EPHA6: variants seen among roughly 807,000 people sequenced by gnomAD.
EPHA6 encodes ephrin type-A receptor 6.
A neutral mutation model predicts 112.0 loss-of-function variants in EPHA6; 50 were observed. The observed-to-expected ratio is 0.45, with a 90% CI of 0.36 to 0.56. The LOEUF (loss-of-function observed/expected upper bound fraction) is 0.56, where lower values mean the gene tolerates loss of function less well. Ranked by LOEUF, EPHA6 falls within the 20% of genes least tolerant of loss-of-function variation. The pLI is 0.00. For synonymous variants in EPHA6, 529 were observed against 490.7 expected (o/e 1.08, Z -1.03); for missense variants, 1,280 against 1,417.4 (o/e 0.90, Z 1.56).
chr3:97,047,674 TG>T (rs2045559199), intron 3 of EPHA6, among the ~76,000 whole-genome samples: 1 of 83,908 alleles, frequency 1.2e-5, no homozygotes, highest in Non-Finnish European at 1.9e-5. Flanking sequence ...ATCTAATATT[TG>T]TAAAATATTA....
intron 3 of EPHA6, among the ~76,000 whole-genome samples, chr3:97,069,709 T>C (rs1179839225): frequency 6.6e-6 from 1 of 152,118 alleles, no homozygotes; most frequent in Non-Finnish European, 1.5e-5. Context: ...AATAAACATA[T>C]ATTTTGAATT....
At chr3:97,407,686 A>G (rs1048001906) in intron 6 of EPHA6, among the ~76,000 whole-genome samples, 2 of 152,034 alleles carry the variant, frequency 1.3e-5, no homozygotes, top group Non-Finnish European at 2.9e-5. Flanking sequence ...GCACTTTAAA[A>G]TAATATGGGA....
At chr3:97,320,929 C>A (rs545238702) in intron 5 of EPHA6, among the ~76,000 whole-genome samples, 4 of 151,154 alleles carry the variant, frequency 2.6e-5, no homozygotes, top group African/African-American at 7.3e-5. Context: ...GGAGTTATTG[C>A]ACATTAAAAA....
intron 5 of EPHA6, among the ~76,000 whole-genome samples, chr3:97,381,816 G>A (rs1053079435): frequency 2.0e-5 from 3 of 152,062 alleles, no homozygotes; most frequent in Non-Finnish European, 4.4e-5. Context: ...TGTGAGCTGT[G>A]ATTATTTTTT....
At chr3:96,868,193 AGTGTGT>A (rs35241894) in intron 2 of EPHA6, among the ~76,000 whole-genome samples, 79 of 148,090 alleles carry the variant, frequency 5.3e-4, no homozygotes, top group Middle Eastern at 3.5e-3. Flanking sequence ...AGAGAGACAG[AGTGTGT>A]GTGTGTGTGT....
intron 14 of EPHA6, among the ~76,000 whole-genome samples, chr3:97,675,140 G>T (rs144044806): frequency 1.3e-5 from 2 of 152,138 alleles, no homozygotes; most frequent in Non-Finnish European, 2.9e-5. Flanking sequence ...TGGTTTCATC[G>T]TTAAACAAAA....
At chr3:97,379,015 T>C (rs576157524) in intron 5 of EPHA6, among the ~76,000 whole-genome samples, 8 of 152,282 alleles carry the variant, frequency 5.3e-5, no homozygotes, top group African/African-American at 1.7e-4. Flanking sequence ...TGGAATGTTA[T>C]GGTTTGGCTC....
At chr3:97,051,028 G>C (rs1465251253) in intron 3 of EPHA6, among the ~76,000 whole-genome samples, 1 of 152,114 alleles carries the variant, frequency 6.6e-6, no homozygotes, top group Admixed American at 6.6e-5. Flanking sequence ...GATGTTGTCA[G>C]AAAGAATAAG....
chr3:97,469,266 G>A (rs2091153271), intron 7 of EPHA6, among the ~76,000 whole-genome samples: 1 of 151,560 alleles, frequency 6.6e-6, no homozygotes, highest in African/African-American at 2.4e-5. Flanking sequence ...TCTTCCATCA[G>A]TCTGACTAGC....
At position 97,638,093 on chromosome 3, in the gene EPHA6, A is replaced by G. The variant is rs1328224775; in HGVS notation, c.2784+11A>G. 2.5e-6 allele frequency: 4 copies of G among 1,594,010 alleles called. No homozygotes were observed. Among genetic ancestry groups the G allele is most frequent in the Non-Finnish European group, 3.4e-6 (4 of 1,163,308 alleles). Reference sequence around the variant, plus strand: ...GCTTATACAACAACTGTAAGTTTATATGCCCTTTCCTAATATAGTCTGTTT... The same window carrying G: ...GCTTATACAACAACTGTAAGTTTATGTGCCCTTTCCTAATATAGTCTGTTT... On this transcript the variant is annotated intron_variant, in intron 14 of 17. Transcript: ENST00000389672.
chr3:97,247,506 C>A (rs765911547), intron 5 of EPHA6, among the ~76,000 whole-genome samples: 1 of 151,700 alleles, frequency 6.6e-6, no homozygotes, highest in Non-Finnish European at 1.5e-5. Context: ...AAGGAAGCAA[C>A]ATTTAAATTA....
chr3:97,029,418 A>G (rs1304610003), intron 3 of EPHA6, among the ~76,000 whole-genome samples: 1 of 151,978 alleles, frequency 6.6e-6, no homozygotes, highest in Non-Finnish European at 1.5e-5. Flanking sequence ...AAGGCCTAAA[A>G]TAGTTTATGT....
At chr3:96,878,425 A>G (rs1238536604) in intron 2 of EPHA6, among the ~76,000 whole-genome samples, 2 of 152,136 alleles carry the variant, frequency 1.3e-5, no homozygotes, top group Middle Eastern at 3.4e-3. Context: ...AAGTGATGCT[A>G]AGGCATGCCA....
At chr3:97,131,933 C>A (rs2075638579) in intron 3 of EPHA6, among the ~76,000 whole-genome samples, 1 of 151,912 alleles carries the variant, frequency 6.6e-6, no homozygotes. Flanking sequence ...AAAGCAAAAC[C>A]AAACTAAATA....
Position 97,586,433 on chromosome 3 carries a change from C to T in EPHA6, c.2387-6179C>T, listed in dbSNP as rs558500013. ...GACATAAACTTATTGAATCTCTAGC[C>T]TCATCCACCATCACAGAAAACAAAG... On this transcript the variant is annotated intron_variant, in intron 11 of 17. Coordinates refer to ENST00000389672, the MANE Select transcript of EPHA6 (RefSeq NM_001080448.3). Among the ~76,000 whole-genome samples the T allele has an allele frequency of 2.0e-5, 3 of 152,196 alleles. No individual in the cohort carries two copies. The East Asian group carries it at 5.8e-4, about 29-fold the overall frequency.
chr3:97,278,866 C>G (rs2080190216), intron 5 of EPHA6, among the ~76,000 whole-genome samples: 1 of 152,156 alleles, frequency 6.6e-6, no homozygotes, highest in Admixed American at 6.5e-5. Flanking sequence ...TCCATGGGAG[C>G]TGAGAGTGTA....
chr3:97,446,653 T>C (rs938543536), intron 6 of EPHA6, among the ~76,000 whole-genome samples: 1 of 152,172 alleles, frequency 6.6e-6, no homozygotes, highest in African/African-American at 2.4e-5. Context: ...AACTCTTACG[T>C]TGTAGAAATT....
intron 5 of EPHA6, among the ~76,000 whole-genome samples, chr3:97,298,388 A>C (rs528412063): frequency 1.3e-5 from 2 of 152,322 alleles, no homozygotes; most frequent in South Asian, 4.1e-4. Context: ...GATAACAATG[A>C]TTACTAGGCC....
At chr3:97,747,029 T>G (rs1186486953) in intron 16 of EPHA6, among the ~76,000 whole-genome samples, 1 of 151,806 alleles carries the variant, frequency 6.6e-6, no homozygotes, top group Non-Finnish European at 1.5e-5. Flanking sequence ...CTGTGGCTAC[T>G]CTCCTTGTGG....
Sources: allele counts gnomAD v4.1 joint callset (sites outside exome capture counted in the v4.1 genomes callset), GRCh38; gene constraint gnomAD v4.1.1; transcripts MANE v1.5; gene names NCBI Gene and HGNC (gene_info 2026-07-23, HGNC 2026-07-21).